ZMYND8: variants seen among roughly 807,000 people sequenced by gnomAD.
ZMYND8 encodes the protein MYND-type zinc finger-containing chromatin reader ZMYND8.
A neutral mutation model predicts 140.8 loss-of-function variants in ZMYND8; 37 were observed. The observed-to-expected ratio is 0.26, with a 90% confidence interval of 0.20 to 0.35. The LOEUF is 0.35. ZMYND8 is among the 10% of genes least tolerant of loss of function. The pLI, the probability that ZMYND8 is intolerant of heterozygous loss-of-function variation, is 1.00. For missense variants in ZMYND8, 1,068 were observed against 1,570.0 expected (o/e 0.68, Z 5.40); for synonymous variants, 592 against 597.1 (o/e 0.99, Z 0.12).
intron 13 of ZMYND8, among the ~76,000 whole-genome samples, chr20:47,248,904 G>C (rs193088192): frequency 6.6e-6 from 1 of 152,322 alleles, no homozygotes; most frequent in Non-Finnish European, 1.5e-5. Context: ...GACCAGTCTG[G>C]AGGGAAAGGG....
At chr20:47,288,639 C>A (rs979086195) in intron 7 of ZMYND8, among the ~76,000 whole-genome samples, 2 of 152,068 alleles carry the variant, frequency 1.3e-5, no homozygotes, top group Non-Finnish European at 2.9e-5. Flanking sequence ...GTGATCCGCC[C>A]GCCTCAGCTT....
At chr20:47,312,780 A>C (rs1601826504) in intron 2 of ZMYND8, among the ~76,000 whole-genome samples, 1 of 140,122 alleles carries the variant, frequency 7.1e-6, no homozygotes, top group African/African-American at 2.7e-5. Flanking sequence ...ACAGAGCGAG[A>C]CTCCGTCTCA....
At chr20:47,261,007 A>C (rs2075113872) in intron 12 of ZMYND8, among the ~76,000 whole-genome samples, 1 of 152,178 alleles carries the variant, frequency 6.6e-6, no homozygotes, top group Non-Finnish European at 1.5e-5. Context: ...AGATCACCTT[A>C]GGTTGGGAGT....
chr20:47,297,925 G>T (rs79901832), intron 4 of ZMYND8, among the ~76,000 whole-genome samples: 2 of 152,122 alleles, frequency 1.3e-5, no homozygotes, highest in Non-Finnish European at 2.9e-5. Context: ...ACACTGCCCC[G>T]ACTACGCCCA....
chr20:47,306,711 C>T (rs1272479410), intron 3 of ZMYND8, among the ~76,000 whole-genome samples: 1 of 152,068 alleles, frequency 6.6e-6, no homozygotes, highest in South Asian at 2.1e-4. Context: ...GCTGGGATTA[C>T]AGTCCTGAGC....
intron 21 of ZMYND8, among the ~76,000 whole-genome samples, chr20:47,219,120 C>T (rs1486133670): frequency 6.9e-6 from 1 of 144,742 alleles, no homozygotes; most frequent in East Asian, 2.1e-4. Flanking sequence ...CGCAGTGGCA[C>T]GATCTCGACT....
At chr20:47,340,130 C>T (rs2081723505) in intron 2 of ZMYND8, among the ~76,000 whole-genome samples, 1 of 152,072 alleles carries the variant, frequency 6.6e-6, no homozygotes, top group South Asian at 2.1e-4. Flanking sequence ...TTAGTGGACA[C>T]TGGGTTTCAC....
At chr20:47,315,887 C>T (rs1051477626) in intron 2 of ZMYND8, among the ~76,000 whole-genome samples, 1 of 152,084 alleles carries the variant, frequency 6.6e-6, no homozygotes, top group Non-Finnish European at 1.5e-5. Context: ...AATGAGTTAA[C>T]GTGGGTGAGG....
intron 8 of ZMYND8, among the ~76,000 whole-genome samples, chr20:47,284,331 T>C (rs1192551499): frequency 6.6e-6 from 1 of 152,126 alleles, no homozygotes; most frequent in African/African-American, 2.4e-5. Flanking sequence ...ACTTTAACCA[T>C]TCCCCCCACC....
intron 4 of ZMYND8, among the ~76,000 whole-genome samples, chr20:47,295,342 A>G (rs2077571917): frequency 6.6e-6 from 1 of 152,206 alleles, no homozygotes; most frequent in Admixed American, 6.5e-5. Flanking sequence ...GCAGTGAACC[A>G]TGATTGTGCC....
At chr20:47,316,261 G>A (rs574955167) in intron 2 of ZMYND8, among the ~76,000 whole-genome samples, 5 of 151,566 alleles carry the variant, frequency 3.3e-5, no homozygotes, top group Non-Finnish European at 2.9e-5. Flanking sequence ...AACCCAGGAG[G>A]CGGAGGTTGC....
chr20:47,255,282 T>C (rs991455347), intron 12 of ZMYND8, among the ~76,000 whole-genome samples: 5 of 151,960 alleles, frequency 3.3e-5, no homozygotes, highest in African/African-American at 1.2e-4. Context: ...AGACAGGTGG[T>C]TGGAGGTTAC....
rs1190265730 is a variant in ZMYND8 at position 47,276,371 on chromosome 20, T to C, written c.1423A>G (p.Thr475Ala). 6.2e-7 allele frequency: 1 copy of C among 1,603,812 alleles called. No individual in the cohort carries two copies. The highest frequency in any genetic ancestry group is 8.5e-7 in the Non-Finnish European group (1 of 1,171,878). The change falls in exon 11 of 23, where the codon ACG (threonine) becomes GCG (alanine). Residue 475 changes from threonine to alanine, a missense_variant. Physicochemically the swap from Thr to Ala is moderately conservative, Grantham distance 58. This residue lies in a region of ZMYND8 where 173 missense variants were observed against 223.3 expected (regional missense o/e 0.77). Transcript: ENST00000471951. ...TCGCTCGCACTGAAGTGGCTCGACG[T>C]GGCCTTCTTCTCAGCATCCTGCTCC... ...DVEQDAEKKA[T>A]SSHFSASEES...
chr20:47,247,210 A>C (rs2040666155), intron 13 of ZMYND8, among the ~76,000 whole-genome samples: 1 of 152,226 alleles, frequency 6.6e-6, no homozygotes, highest in African/African-American at 2.4e-5. Flanking sequence ...TATAGAAATC[A>C]AAGCAGGGGC....
chr20:47,230,353 G>T (rs767195230), intron 16 of ZMYND8, among the ~76,000 whole-genome samples: 2 of 151,674 alleles, frequency 1.3e-5, no homozygotes, highest in South Asian at 4.2e-4. Context: ...GTGCAGGGGC[G>T]TGATCTTGGC....
intron 4 of ZMYND8, among the ~76,000 whole-genome samples, chr20:47,296,325 T>A (rs563349903): frequency 6.6e-6 from 1 of 152,272 alleles, no homozygotes; most frequent in South Asian, 2.1e-4. Context: ...ACATATGCAA[T>A]TTTCAAGGCT....
At chr20:47,231,978 T>C (rs954026640) in intron 16 of ZMYND8, among the ~76,000 whole-genome samples, 1 of 152,370 alleles carries the variant, frequency 6.6e-6, no homozygotes, top group Middle Eastern at 3.4e-3. Context: ...GAACTGCGTC[T>C]TCCACTCCAG....
At chr20:47,284,213 A>G (rs745901458) in intron 8 of ZMYND8, among the ~76,000 whole-genome samples, 16 of 152,118 alleles carry the variant, frequency 1.1e-4, no homozygotes, top group Non-Finnish European at 5.9e-5. Context: ...GTGAGCCACC[A>G]TGCCCAACCC....
At chr20:47,211,336 A>G (rs1343477415) in intron 22 of ZMYND8, among the ~76,000 whole-genome samples, 3 of 152,204 alleles carry the variant, frequency 2.0e-5, no homozygotes, top group African/African-American at 7.2e-5. Context: ...TCTTTTATCA[A>G]TGTATAGGCA....
Sources: allele counts gnomAD v4.1 joint callset (sites outside exome capture counted in the v4.1 genomes callset), GRCh38; gene constraint gnomAD v4.1.1; regional missense constraint gnomAD v4.1.1; transcripts MANE v1.5; gene names NCBI Gene and HGNC (gene_info 2026-07-23, HGNC 2026-07-21).